NCAM2: variants seen among roughly 807,000 people sequenced by gnomAD.
NCAM2 encodes N-CAM-2.
A neutral mutation model predicts 98.1 loss-of-function variants in NCAM2; 30 were observed. The ratio of observed to expected loss-of-function variants is 0.31; its 90% CI spans 0.23 to 0.41. The LOEUF is 0.41. Among genes scored for constraint, NCAM2 ranks in the 10% least tolerant of loss-of-function variants. The pLI, the probability that NCAM2 is intolerant of heterozygous loss-of-function variation, is 1.00. For missense variants in NCAM2, 867 were observed against 1,005.8 expected (o/e 0.86, Z 1.87); for synonymous variants, 368 against 342.4 (o/e 1.07, Z -0.83).
chr21:21,527,004 A>C, intron 16 of NCAM2, among the ~76,000 whole-genome samples: 1 of 152,240 alleles, frequency 6.6e-6, no homozygotes, highest in South Asian at 2.1e-4. Flanking sequence ...AATATAAATC[A>C]AAAAATTATA....
At chr21:21,329,885 A>G (rs1332241033) in intron 6 of NCAM2, among the ~76,000 whole-genome samples, 1 of 152,168 alleles carries the variant, frequency 6.6e-6, no homozygotes, top group Non-Finnish European at 1.5e-5. Context: ...TTAGATGATT[A>G]ACGCAATTCC....
chr21:21,520,917 T>A (rs956428764), intron 16 of NCAM2, among the ~76,000 whole-genome samples: 1 of 152,130 alleles, frequency 6.6e-6, no homozygotes, highest in Non-Finnish European at 1.5e-5. Flanking sequence ...CTTCTGAGAA[T>A]TTTACCTTCA....
At chr21:21,442,533 C>T (rs182057678) in intron 12 of NCAM2, among the ~76,000 whole-genome samples, 17 of 152,094 alleles carry the variant, frequency 1.1e-4, no homozygotes, top group Admixed American at 2.0e-4. Context: ...TCTTTAATCC[C>T]GTAGAAATAC....
chr21:21,430,779 G>A (rs1164864916), intron 11 of NCAM2, among the ~76,000 whole-genome samples: 2 of 152,060 alleles, frequency 1.3e-5, no homozygotes, highest in Non-Finnish European at 2.9e-5. Flanking sequence ...CAGGCACTGT[G>A]GCTCACTCCT....
chr21:21,304,091 C>T (rs73320674), intron 5 of NCAM2, among the ~76,000 whole-genome samples: 42,303 of 151,890 alleles, frequency 0.28, 6,072 homozygotes, highest in East Asian at 0.38. Context: ...CACTGCCTTT[C>T]AGTGGGTGAA....
chr21:21,312,465 T>C (rs2074085964), intron 5 of NCAM2, among the ~76,000 whole-genome samples: 1 of 151,802 alleles, frequency 6.6e-6, no homozygotes, highest in South Asian at 2.1e-4. Flanking sequence ...TTCATTAATG[T>C]CATATAATTA....
intron 8 of NCAM2, among the ~76,000 whole-genome samples, chr21:21,365,527 C>T (rs971521371): frequency 4.0e-5 from 6 of 151,480 alleles, no homozygotes; most frequent in African/African-American, 1.2e-4. Context: ...TTAAAAAAAT[C>T]GTGGCATATG....
At chr21:21,406,238 G>A (rs749388277) in intron 9 of NCAM2, among the ~76,000 whole-genome samples, 7 of 152,180 alleles carry the variant, frequency 4.6e-5, no homozygotes, top group Non-Finnish European at 7.4e-5. Context: ...CAGCCAATGA[G>A]TAGAGTGAGA....
At chr21:21,363,133 A>C (rs1226077270) in intron 8 of NCAM2, among the ~76,000 whole-genome samples, 1 of 152,182 alleles carries the variant, frequency 6.6e-6, no homozygotes, top group Non-Finnish European at 1.5e-5. Context: ...TTTATAAACT[A>C]GAATCTCTTT....
intron 1 of NCAM2, among the ~76,000 whole-genome samples, chr21:21,165,284 G>T (rs1859550999): frequency 6.6e-6 from 1 of 152,160 alleles, no homozygotes; most frequent in Non-Finnish European, 1.5e-5. Flanking sequence ...GTCCACTAGA[G>T]TAGTTCCTCT....
chr21:21,474,870 C>T (rs1016236236), intron 14 of NCAM2, among the ~76,000 whole-genome samples: 3 of 151,722 alleles, frequency 2.0e-5, no homozygotes, highest in African/African-American at 7.3e-5. Flanking sequence ...ATAGCATTTA[C>T]AATTATATGT....
chr21:21,138,014 T>G (rs1250329125), intron 1 of NCAM2, among the ~76,000 whole-genome samples: 1 of 152,172 alleles, frequency 6.6e-6, no homozygotes, highest in African/African-American at 2.4e-5. Flanking sequence ...GATACCAGCT[T>G]ATTACCATCT....
intron 8 of NCAM2, among the ~76,000 whole-genome samples, chr21:21,355,506 TAAGG>T (rs2075450731): frequency 2.0e-5 from 1 of 51,088 alleles, no homozygotes; most frequent in Non-Finnish European, 4.2e-5. Flanking sequence ...AGAAAAGAAA[TAAGG>T]GAGGGAGAGA....
intron 13 of NCAM2, among the ~76,000 whole-genome samples, 175 bp downstream of exon 13, chr21:21,466,900 GC>G (rs1983752773): frequency 6.6e-6 from 1 of 151,940 alleles, no homozygotes; most frequent in Admixed American, 6.6e-5. Context: ...AAATAACTTT[GC>G]TTTAGAGCAA....
At chr21:21,429,117 A>T (rs2077275404) in intron 11 of NCAM2, among the ~76,000 whole-genome samples, 1 of 152,210 alleles carries the variant, frequency 6.6e-6, no homozygotes, top group African/African-American at 2.4e-5. Flanking sequence ...TAATAGAAAT[A>T]AGAGGCCAGT....
chr21:21,346,981 G>A (rs560773189), intron 8 of NCAM2, among the ~76,000 whole-genome samples: 5 of 151,768 alleles, frequency 3.3e-5, no homozygotes, highest in South Asian at 2.1e-4. Context: ...AAAAGCAAGA[G>A]CAAACCAAAC....
At chr21:21,448,121 A>G (rs1980467803) in intron 12 of NCAM2, among the ~76,000 whole-genome samples, 1 of 152,158 alleles carries the variant, frequency 6.6e-6, no homozygotes, top group Non-Finnish European at 1.5e-5. Flanking sequence ...ACTATTTACA[A>G]TAGCAAAGTC....
chr21:21,269,381 C>G (rs1209530458), intron 1 of NCAM2, among the ~76,000 whole-genome samples: 3 of 152,134 alleles, frequency 2.0e-5, no homozygotes, highest in Admixed American at 2.0e-4. Context: ...CAGCACACTT[C>G]ATAGCAGTTC....
intron 1 of NCAM2, among the ~76,000 whole-genome samples, chr21:21,045,447 C>T (rs1207342362): frequency 6.6e-6 from 1 of 152,042 alleles, no homozygotes; most frequent in South Asian, 2.1e-4. Flanking sequence ...AATTAGAGAC[C>T]AATCTGGGCA....
Sources: gnomAD v4.1 joint callset for allele counts (sites outside exome capture counted in the v4.1 genomes callset) on GRCh38, gnomAD v4.1.1 for gene constraint, MANE v1.5 for transcripts, NCBI Gene and HGNC (gene_info 2026-07-23, HGNC 2026-07-21) for gene names.